The following FLNB variants were observed in gnomAD, a reference collection of about 807,000 sequenced individuals.
The protein encoded by FLNB is filamin B, also known as filamin-B.
A neutral mutation model predicts 250.6 loss-of-function variants in FLNB; 111 were observed. The observed-to-expected ratio is 0.44, with a 90% CI of 0.38 to 0.52. FLNB has a LOEUF of 0.52. Among genes scored for constraint, FLNB ranks in the 20% least tolerant of loss-of-function variants. The probability of loss-of-function intolerance (pLI) is 0.00; values close to 1 mark genes in which losing one functional copy is unlikely to be tolerated. For missense variants in FLNB, 2,869 were observed against 3,447.8 expected (o/e 0.83, Z 4.20); for synonymous variants, 1,302 against 1,372.1 (o/e 0.95, Z 1.13).
At position 58,150,153 on chromosome 3, in the gene FLNB, G is replaced by T. The variant is rs1219914813; in HGVS notation, c.6293G>T (p.Ser2098Ile). Residue 2098 changes from serine to isoleucine, a missense_variant, in exon 38 of 46, where the codon AGC becomes ATC. Ser to Ile is a moderately radical substitution (Grantham distance 142). Around this residue, in one of 5 missense-constraint regions of FLNB, gnomAD observed 1,084 missense variants for 1,315.5 expected, o/e 0.82. Coordinates refer to ENST00000295956, the MANE Select transcript of FLNB (RefSeq NM_001457.4). ...KISGEGRVKE[S>I]ITRTSRAPSV... is the part of the protein sequence containing the mutation. Reference sequence around the variant, plus strand: ...AGTGGGGAGGGAAGAGTCAAAGAGAGCATCACCCGCACCAGTCGGGCCCCG... The same window carrying T: ...AGTGGGGAGGGAAGAGTCAAAGAGATCATCACCCGCACCAGTCGGGCCCCG... The T allele has an allele frequency of 3.1e-6, 5 of 1,614,104 alleles. No homozygotes were observed. The highest frequency in any genetic ancestry group is 4.2e-6 in the Non-Finnish European group (5 of 1,180,042).
chr3:58,124,144 G>A (rs551255595), intron 21 of FLNB, among the ~76,000 whole-genome samples, 188 bp from the exon 22 acceptor site: 6 of 152,264 alleles, frequency 3.9e-5, no homozygotes, highest in African/African-American at 1.4e-4. Context: ...CTTAGCCGTG[G>A]CTACTCTAGA....
At chr3:58,034,595 G>A (rs1225588524) in intron 1 of FLNB, among the ~76,000 whole-genome samples, 2 of 152,166 alleles carry the variant, frequency 1.3e-5, no homozygotes, top group African/African-American at 4.8e-5. Context: ...GCACAGCCAG[G>A]AAGCAGTAGA....
At chr3:58,147,129 A>G (rs567845784) in intron 34 of FLNB, 136 bp downstream of exon 34, 1 of 845,168 alleles carries the variant, frequency 1.2e-6, no homozygotes, top group Non-Finnish European at 1.9e-6. Flanking sequence ...GTTGAGGAGG[A>G]GCAGGGGATG....
At chr3:58,129,478 G>A (rs2097302981) in intron 24 of FLNB, among the ~76,000 whole-genome samples, 1 of 152,142 alleles carries the variant, frequency 6.6e-6, no homozygotes, top group South Asian at 2.1e-4. Context: ...ATCAGCTGTT[G>A]ACATTGAAAT....
At chr3:58,086,704 G>A (rs1307329428) in intron 4 of FLNB, among the ~76,000 whole-genome samples, 1 of 152,172 alleles carries the variant, frequency 6.6e-6, no homozygotes, top group East Asian at 1.9e-4. Context: ...TAACAGATTG[G>A]TAGCTAGGAA....
chr3:58,151,567 C>T (rs1225693149), intron 38 of FLNB, among the ~76,000 whole-genome samples: 2 of 152,144 alleles, frequency 1.3e-5, no homozygotes, highest in Non-Finnish European at 2.9e-5. Flanking sequence ...GCTCACTTTC[C>T]AGTCACATTG....
chr3:58,147,666 T>G (rs1190494349), intron 34 of FLNB, among the ~76,000 whole-genome samples: 1 of 152,164 alleles, frequency 6.6e-6, no homozygotes, highest in African/African-American at 2.4e-5. Context: ...TCCTATATTT[T>G]ATTTTATTTT....
chr3:58,052,863 C>T (rs2097164600), intron 1 of FLNB, among the ~76,000 whole-genome samples: 1 of 152,186 alleles, frequency 6.6e-6, no homozygotes, highest in Non-Finnish European at 1.5e-5. Context: ...AGCACTGAAA[C>T]CCCATGGTCA....
intron 1 of FLNB, among the ~76,000 whole-genome samples, chr3:58,038,098 C>T (rs1043372489): frequency 2.4e-4 from 36 of 151,904 alleles, no homozygotes; most frequent in Admixed American, 7.9e-4. Flanking sequence ...GGCATGATCT[C>T]GGCTCATTGC....
chr3:58,118,772 C>T, intron 18 of FLNB, 100 bp from the exon 19 acceptor site: 1 of 856,120 alleles, frequency 1.2e-6, no homozygotes, highest in South Asian at 1.3e-5. Context: ...AATCAAGTCT[C>T]CCCTGTCCGT....
chr3:58,134,701 G>T lies in FLNB; in HGVS notation c.4600G>T (p.Ala1534Ser). The T allele has an allele frequency of 6.2e-7, 1 of 1,614,204 alleles. No individual in the cohort carries two copies. Among genetic ancestry groups the T allele is most frequent in the Non-Finnish European group, 8.5e-7 (1 of 1,180,012 alleles). ...CGGCCTTAGTTCCTATGGTGTGCCT[G>T]CCAGTCTACCTGTGGACTTTGCAAT... ...GPGLSSYGVP[A>S]SLPVDFAIDA... is the part of the protein sequence containing the mutation. Residue 1534 changes from alanine (A) to serine (S), a missense_variant, in exon 27 of 46, where the codon GCC (alanine) becomes TCC (serine). Physicochemically the swap from Ala to Ser is moderately conservative, Grantham distance 99 (BLOSUM62 1). Coordinates refer to ENST00000295956, the MANE Select transcript of FLNB (RefSeq NM_001457.4).
intron 1 of FLNB, among the ~76,000 whole-genome samples, chr3:58,050,228 C>T (rs1376099834): frequency 6.6e-6 from 1 of 152,014 alleles, no homozygotes; most frequent in Non-Finnish European, 1.5e-5. Flanking sequence ...CGGGGTTTCA[C>T]CATGTTGGCC....
At chr3:58,096,289 A>G in intron 6 of FLNB, 71 bp downstream of exon 6, 1 of 1,088,018 alleles carries the variant, frequency 9.2e-7, no homozygotes, top group Non-Finnish European at 1.4e-6. Flanking sequence ...CCCAGGAAGA[A>G]GAGTGTTTTT....
chr3:58,047,130 G>T (rs1340762969), intron 1 of FLNB, among the ~76,000 whole-genome samples: 3 of 152,144 alleles, frequency 2.0e-5, no homozygotes. Context: ...GTACCTAAGT[G>T]GTTGCTGCTT....
At chr3:58,016,032 G>A (rs1410204547) in intron 1 of FLNB, among the ~76,000 whole-genome samples, 2 of 151,924 alleles carry the variant, frequency 1.3e-5, no homozygotes, top group Admixed American at 6.6e-5. Context: ...GGCTGCCTAT[G>A]GGGTATGCTC....
chr3:58,029,033 A>T (rs756710828), intron 1 of FLNB, among the ~76,000 whole-genome samples: 1 of 152,076 alleles, frequency 6.6e-6, no homozygotes. Flanking sequence ...AGTGAACTAT[A>T]ATCAGGTCAC....
intron 33 of FLNB, 35 bp from the exon 34 acceptor site, chr3:58,146,785 C>G (rs769822099): frequency 6.2e-7 from 1 of 1,612,216 alleles, no homozygotes; most frequent in Non-Finnish European, 8.5e-7. Context: ...GCAACTCTCT[C>G]CCTAACACCC....
intron 20 of FLNB, among the ~76,000 whole-genome samples, chr3:58,122,656 G>A (rs1267142029): frequency 6.6e-6 from 1 of 152,128 alleles, no homozygotes; most frequent in Non-Finnish European, 1.5e-5. Flanking sequence ...TTTAGAAACA[G>A]TTTAGTTTTA....
At position 58,036,563 on chromosome 3, in the gene FLNB, C is replaced by T. The variant is rs150527419; in HGVS notation, c.292+27707C>T. 3.0e-3 allele frequency among the ~76,000 whole-genome samples: 455 copies of T among 152,272 alleles called. 3 individuals are homozygous for T. The highest frequency in any genetic ancestry group is 9.8e-3 in the African/African-American group (407 of 41,556). On this transcript the variant is annotated intron_variant, in intron 1 of 45. Transcript: ENST00000295956. ...ATCCATGGAGTGCAGGGTCTGCAAA[C>T]TATCTCAAGCACTGATGTTAAGTTT...
Sources: gnomAD v4.1 joint callset for allele counts (sites outside exome capture counted in the v4.1 genomes callset) on GRCh38, gnomAD v4.1.1 for gene constraint, gnomAD v4.1.1 regional missense constraint, MANE v1.5 for transcripts, NCBI Gene and HGNC (gene_info 2026-07-23, HGNC 2026-07-21) for gene names.